ITPK1: variants seen among roughly 807,000 people sequenced by gnomAD.
The protein encoded by ITPK1 is inositol 1,3,4-trisphosphate 5/6-kinase.
In ITPK1, 21 loss-of-function variants were observed where a neutral mutation model predicts 45.3. The ratio of observed to expected loss-of-function variants is 0.46; its 90% CI spans 0.33 to 0.67. The LOEUF (loss-of-function observed/expected upper bound fraction) is 0.67, where lower values mean the gene tolerates loss of function less well. ITPK1 is among the 30% of genes least tolerant of loss of function. ITPK1 has a pLI of 0.02. For missense variants in ITPK1, 474 were observed against 573.5 expected (o/e 0.83, Z 1.77); for synonymous variants, 258 against 253.6 (o/e 1.02, Z -0.16).
At chr14:92,992,548 C>T (rs1341742925) in intron 5 of ITPK1, among the ~76,000 whole-genome samples, 2 of 152,216 alleles carry the variant, frequency 1.3e-5, no homozygotes, top group African/African-American at 4.8e-5. Flanking sequence ...GTCAGGCATT[C>T]AGGGAAAGAG....
intron 3 of ITPK1, among the ~76,000 whole-genome samples, chr14:93,017,608 G>A (rs1051877114): frequency 2.6e-5 from 4 of 152,148 alleles, no homozygotes; most frequent in Admixed American, 6.5e-5. Flanking sequence ...TCTCCCTCCC[G>A]GCACGCGGCC....
At chr14:93,057,334 T>C (rs1814631619) in intron 3 of ITPK1, among the ~76,000 whole-genome samples, 1 of 152,238 alleles carries the variant, frequency 6.6e-6, no homozygotes, top group South Asian at 2.1e-4. Context: ...AAATCTGTCC[T>C]GCTGAAACAG....
At position 93,115,167 on chromosome 14, in the gene ITPK1, C is replaced by T. The variant is rs1157414639; in HGVS notation, c.-4G>A. On this transcript the variant is annotated 5_prime_UTR_variant, in exon 2 of 11. Coordinates refer to ENST00000267615, the MANE Select transcript of ITPK1 (RefSeq NM_014216.6). ...TCCCTTTCAGAAAGGTCTGCATCTT[C>T]CTCCTCGGGCGGGGAGCCTGGGTCC... 8.1e-6 allele frequency: 13 copies of T among 1,598,428 alleles called. No individual in the cohort carries two copies. In the Middle Eastern group the frequency reaches 5.0e-4, roughly 61 times the overall value.
rs1421294736 is a variant in ITPK1 at position 92,938,540 on chromosome 14, G to A, written c.*3021C>T. 8.1e-6 allele frequency: 13 copies of A among 1,610,160 alleles called. No individual in the cohort carries two copies. Among genetic ancestry groups the A allele is most frequent in the Non-Finnish European group, 1.1e-5 (13 of 1,176,568 alleles). ...CTTGGCAGTCCCCTGGGTACAGAGA[G>A]GAATGTTTTTCCCAGGTTGCTTTCT... On this transcript the variant is annotated 3_prime_UTR_variant, in exon 11 of 11. Transcript: ENST00000267615.
At chr14:92,956,755 C>A (rs1007364215) in intron 8 of ITPK1, among the ~76,000 whole-genome samples, 1 of 152,074 alleles carries the variant, frequency 6.6e-6, no homozygotes, top group Non-Finnish European at 1.5e-5. Flanking sequence ...AGACTTAAAG[C>A]ATTATTATTT....
In ITPK1 at chr14:93,115,060, C is replaced by T. The variant is rs777263654; in HGVS notation, c.95+9G>A. ...GGTCCCCGGGCGCCGGCGCCGCGTC[C>T]CTCCTTACCTGCACAGCTCGGCGAA... On this transcript the variant is annotated intron_variant, in intron 2 of 10. Transcript: ENST00000267615. The T allele has an allele frequency of 5.1e-6, 8 of 1,568,112 alleles. No individual in the cohort carries two copies. The Admixed American group carries it at 1.3e-4, about 26-fold the overall frequency.
At chr14:93,073,127 C>T (rs1032687789) in intron 3 of ITPK1, among the ~76,000 whole-genome samples, 2 of 152,234 alleles carry the variant, frequency 1.3e-5, no homozygotes, top group Non-Finnish European at 2.9e-5. Context: ...TTACTTCACC[C>T]AAAGTAACTC....
rs967608427 is a variant in ITPK1 at position 93,042,949 on chromosome 14, C to T, written c.121-26148G>A. ...AAGAGAATAGCTTGAACCCAGGAGGCGGAGGTTGTAGTGAGCCAAGATCGC... is the reference window on the plus strand; with the variant it reads ...AAGAGAATAGCTTGAACCCAGGAGGTGGAGGTTGTAGTGAGCCAAGATCGC... On this transcript the variant is annotated intron_variant, in intron 3 of 10. Coordinates refer to ENST00000267615, the MANE Select transcript of ITPK1 (RefSeq NM_014216.6). 2.6e-5 allele frequency among the ~76,000 whole-genome samples: 4 copies of T among 151,892 alleles called. No homozygotes were observed. In the East Asian group the frequency reaches 5.8e-4, roughly 22 times the overall value.
In ITPK1 at chr14:93,007,158, C is replaced by T. The variant is rs74074578; in HGVS notation, c.246+9518G>A. ...AAGGGGCTGCCTGCCCAAGGTCACA[C>T]GGAGCTGGGTTCCACCCACCTCAGC... On this transcript the variant is annotated intron_variant, in intron 4 of 10. Coordinates refer to ENST00000267615, the MANE Select transcript of ITPK1 (RefSeq NM_014216.6). Among the ~76,000 whole-genome samples the T allele has an allele frequency of 4.9e-3, 745 of 152,318 alleles. 7 individuals carry two copies. The highest frequency in any genetic ancestry group is 0.017 in the African/African-American group (715 of 41,562).
chr14:93,070,053 G>A (rs1890927326), intron 3 of ITPK1: 1 of 152,214 alleles, frequency 6.6e-6, no homozygotes, highest in Admixed American at 6.5e-5. Flanking sequence ...ACTGGCTGCT[G>A]CACTTCTCAC....
Position 92,940,556 on chromosome 14 carries a change from G to T in ITPK1, c.*1005C>A. On this transcript the variant is annotated 3_prime_UTR_variant, in exon 11 of 11. Transcript: ENST00000267615. ...GGACCCAGCAGGTGTGAAAAGGAGTGAACCCACTGGGAAGAGGGCCCCGAT... is the reference window on the plus strand; with the variant it reads ...GGACCCAGCAGGTGTGAAAAGGAGTTAACCCACTGGGAAGAGGGCCCCGAT... 8.5e-7 allele frequency: 1 copy of T among 1,181,660 alleles called. No individual in the cohort carries two copies. The allele number at this position is 1,181,660 out of a possible 1,614,324, so 73.2% of individuals were successfully genotyped here.
chr14:93,011,933 C>T (rs1466196725), intron 4 of ITPK1, among the ~76,000 whole-genome samples: 1 of 150,544 alleles, frequency 6.6e-6, no homozygotes, highest in African/African-American at 2.4e-5. Context: ...ATGAAAAAGC[C>T]CTCAAGCTCC....
intron 3 of ITPK1, among the ~76,000 whole-genome samples, chr14:93,020,824 C>T (rs58372669): frequency 0.058 from 8,820 of 152,202 alleles, 506 homozygotes; most frequent in African/African-American, 0.14. Flanking sequence ...CAAGAAGCCT[C>T]GCGATCCCAG....
chr14:93,081,042 A>C (rs1891414485), intron 2 of ITPK1, among the ~76,000 whole-genome samples: 2 of 149,774 alleles, frequency 1.3e-5, no homozygotes, highest in Admixed American at 1.3e-4. Context: ...TTCATTAAAA[A>C]CCTGCAGCCG....
At chr14:92,975,855 T>C (rs1233359008) in intron 5 of ITPK1, among the ~76,000 whole-genome samples, 1 of 152,180 alleles carries the variant, frequency 6.6e-6, no homozygotes, top group Non-Finnish European at 1.5e-5. Context: ...CCCCATGTCA[T>C]GGGAGGGAGC....
At chr14:93,086,767 G>A (rs956814970) in intron 2 of ITPK1, among the ~76,000 whole-genome samples, 12 of 152,246 alleles carry the variant, frequency 7.9e-5, no homozygotes, top group Non-Finnish European at 1.5e-5. Flanking sequence ...TAAGCACCAG[G>A]AGAAGCAAAG....
At position 93,076,526 on chromosome 14, in the gene ITPK1, G is replaced by C; in HGVS notation, c.120+69C>G. On this transcript the variant is annotated intron_variant, in intron 3 of 10. Coordinates refer to ENST00000267615, the MANE Select transcript of ITPK1 (RefSeq NM_014216.6). The surrounding 1 kb of genome is among the most constrained non-coding windows in gnomAD (Gnocchi z 4.3). ...CGTGCCCAATGCTGGAGGAGAGAAGGAGAGACAGAGAGGTGGGCACCAAGG... is the reference window on the plus strand; with the variant it reads ...CGTGCCCAATGCTGGAGGAGAGAAGCAGAGACAGAGAGGTGGGCACCAAGG... 2 of 1,543,074 alleles carry C rather than the reference G, an allele frequency of 1.3e-6. No homozygotes were observed. Among genetic ancestry groups the C allele is most frequent in the South Asian group, 2.2e-5 (2 of 89,582 alleles).
In ITPK1 at chr14:92,941,052, C is replaced by G. The variant is rs1014968814; in HGVS notation, c.*509G>C. On this transcript the variant is annotated 3_prime_UTR_variant, in exon 11 of 11. Coordinates refer to ENST00000267615, the MANE Select transcript of ITPK1 (RefSeq NM_014216.6). ...CAGGCAGGGTGGGGGCTAACAAAGC[C>G]TTGGTGGAGACCAGTAGGAGGAAAA... The G allele has an allele frequency of 1.6e-6, 2 of 1,220,730 alleles. No homozygotes were observed. The highest frequency in any genetic ancestry group is 2.1e-6 in the Non-Finnish European group (2 of 957,084). 75.6% of individuals were successfully genotyped at this position (1,220,730 alleles called of 1,614,324 possible). A position where few individuals can be genotyped will look rare whatever the true frequency, so the allele number is the denominator to read the frequency against.
intron 3 of ITPK1, among the ~76,000 whole-genome samples, chr14:93,074,171 G>A (rs955226177): frequency 3.9e-5 from 6 of 152,210 alleles, no homozygotes; most frequent in Non-Finnish European, 7.3e-5. Context: ...GAGAGGTATC[G>A]TGGTAGGTTT....
Sources: gnomAD v4.1 joint callset for allele counts (sites outside exome capture counted in the v4.1 genomes callset) on GRCh38, gnomAD v4.1.1 for gene constraint, Gnocchi (gnomAD v3.1) non-coding constraint, MANE v1.5 for transcripts, NCBI Gene and HGNC (gene_info 2026-07-23, HGNC 2026-07-21) for gene names.